Variants in CKMT2 observed in about 807,000 individuals in gnomAD.
CKMT2 encodes creatine kinase S-type, mitochondrial.
CKMT2 carries 43 observed loss-of-function variants against 48.9 expected under a neutral mutation model. That is an observed-to-expected ratio of 0.88 (90% CI 0.69 to 1.13). CKMT2 has a LOEUF of 1.13. Among genes scored for constraint, CKMT2 ranks in the 50% most tolerant of loss-of-function variants. The probability of loss-of-function intolerance (pLI) is 0.00; values close to 1 mark genes in which losing one functional copy is unlikely to be tolerated. For synonymous variants in CKMT2, 206 were observed against 213.0 expected, an observed-to-expected ratio of 0.97 and a Z score of 0.29; for missense variants, 472 against 555.4, an observed-to-expected ratio of 0.85 and a Z score of 1.51.
intron 6 of CKMT2, among the ~76,000 whole-genome samples, chr5:81,257,435 C>T (rs1035191184): frequency 1.3e-5 from 2 of 151,868 alleles, no homozygotes; most frequent in African/African-American, 2.4e-5. Flanking sequence ...TTGTTAATGT[C>T]GAAGCCAAAT....
chr5:81,262,587 C>CATCA (rs1561288555), intron 8 of CKMT2, among the ~76,000 whole-genome samples: 1 of 152,134 alleles, frequency 6.6e-6, no homozygotes, highest in African/African-American at 2.4e-5. Context: ...AAAAGCTCAT[C>CATCA]ATCACTGGTC....
At chr5:81,265,940 C>T (rs1757370613) in intron 9 of CKMT2, among the ~76,000 whole-genome samples, 199 bp from the exon 10 acceptor site, 1 of 152,170 alleles carries the variant, frequency 6.6e-6, no homozygotes, top group Admixed American at 6.5e-5. Context: ...CTTTCACATA[C>T]AAAGTAGTAT....
At chr5:81,252,580 C>A in intron 2 of CKMT2, 115 bp from the exon 3 acceptor site, 1 of 1,036,032 alleles carries the variant, frequency 9.7e-7, no homozygotes, top group Non-Finnish European at 1.5e-6. Flanking sequence ...GCCAAGTATC[C>A]CTGTGCCCAC....
At chr5:81,247,160 C>G (rs1756639173) in intron 1 of CKMT2, among the ~76,000 whole-genome samples, 1 of 152,138 alleles carries the variant, frequency 6.6e-6, no homozygotes. Flanking sequence ...CTAGTGGTCT[C>G]TGAACAGAAC....
At chr5:81,254,135 G>A (rs1369559141) in intron 3 of CKMT2, among the ~76,000 whole-genome samples, 1 of 152,204 alleles carries the variant, frequency 6.6e-6, no homozygotes, top group Non-Finnish European at 1.5e-5. Flanking sequence ...CTCAGCAGGA[G>A]GTTAAGATGA....
intron 1 of CKMT2, among the ~76,000 whole-genome samples, chr5:81,234,001 C>T (rs1194407453): frequency 6.9e-6 from 1 of 144,952 alleles, no homozygotes; most frequent in Non-Finnish European, 1.5e-5. Context: ...CCATCCTTAC[C>T]TTTCCCACCG....
At chr5:81,266,032 G>A (rs1580463118) in intron 9 of CKMT2, 107 bp from the exon 10 acceptor site, 1 of 918,922 alleles carries the variant, frequency 1.1e-6, no homozygotes, top group Non-Finnish European at 1.7e-6. Flanking sequence ...TTGTTGTGAA[G>A]TCCATCTAAG....
chr5:81,255,402 C>T (rs115097531), intron 5 of CKMT2, among the ~76,000 whole-genome samples, 188 bp downstream of exon 5: 1 of 152,224 alleles, frequency 6.6e-6, no homozygotes, highest in Non-Finnish European at 1.5e-5. Context: ...ACACATTGTA[C>T]TTGTCAAGCC....
At position 81,259,213 on chromosome 5, in the gene CKMT2, C is replaced by G; in HGVS notation, c.973C>G (p.Leu325Val). 1 of 1,614,102 alleles carries G rather than the reference C, an allele frequency of 6.2e-7. No homozygotes were observed. The highest frequency in any genetic ancestry group is 8.5e-7 in the Non-Finnish European group (1 of 1,179,984). The change falls in exon 8 of 10, where the codon CTA becomes GTA. Residue 325 changes from leucine to valine, a missense_variant. Leu to Val is a conservative substitution (Grantham distance 32). Transcript: ENST00000254035. ...LTCPSNLGTGLRAGVHVRIPK... is the reference protein window; with the variant it reads ...LTCPSNLGTGVRAGVHVRIPK... ...CTGTCCTTCGAACCTTGGAACAGGA[C>G]TACGAGCTGGTGTCCACGTTAGGAT...
chr5:81,234,043 AAAAC>A (rs1756183227), intron 1 of CKMT2, among the ~76,000 whole-genome samples: 1 of 148,682 alleles, frequency 6.7e-6, no homozygotes, highest in Non-Finnish European at 1.5e-5. Flanking sequence ...AAAAAAAAAA[AAAAC>A]CTATGGAATT....
chr5:81,262,199 AT>A (rs1757247026), intron 8 of CKMT2, among the ~76,000 whole-genome samples: 1 of 152,260 alleles, frequency 6.6e-6, no homozygotes. Flanking sequence ...CTCAAGATGG[AT>A]TAAAGACTTA....
rs577175038 is a variant in CKMT2, at chr5:81,264,300, C to T, written c.1140+684C>T. Among the ~76,000 whole-genome samples the T allele has an allele frequency of 3.0e-4, 45 of 152,264 alleles. No homozygotes were observed. The South Asian group carries it at 8.9e-3, about 30-fold the overall frequency. On this transcript the variant is annotated intron_variant, in intron 9 of 9. Coordinates refer to ENST00000254035, the MANE Select transcript of CKMT2 (RefSeq NM_001099735.2). ...TACTGATCATGGTAAGTTATACCAG[C>T]CTATCTGGATGTGGTCCCATTGGAC... is the stretch of plus-strand genomic sequence containing the variant.
At position 81,239,617 on chromosome 5, in the gene CKMT2, G is replaced by A. The variant is rs915036910; in HGVS notation, c.-21+6240G>A. Among the ~76,000 whole-genome samples the A allele has an allele frequency of 3.9e-5, 6 of 152,242 alleles. No individual in the cohort carries two copies. In the East Asian group the frequency reaches 9.6e-4, roughly 24 times the overall value. On this transcript the variant is annotated intron_variant, in intron 1 of 9. Coordinates refer to ENST00000254035, the MANE Select transcript of CKMT2 (RefSeq NM_001099735.2). ...GTGACCTGTCCTAGTCCCAGGGCAG[G>A]TGGAGGCATGCAATACAGTACTTTG...
At chr5:81,233,506 G>GCCTCCTCGC in intron 1 of CKMT2, 129 bp downstream of exon 1, 2 of 632,328 alleles carry the variant, frequency 3.2e-6, no homozygotes, top group Non-Finnish European at 3.9e-6. Flanking sequence ...TGACTGCGAG[G>GCCTCCTCGC]AGGCAATGGT....
intron 1 of CKMT2, among the ~76,000 whole-genome samples, chr5:81,243,867 A>G (rs1353355862): frequency 6.6e-6 from 1 of 151,920 alleles, no homozygotes; most frequent in African/African-American, 2.4e-5. Flanking sequence ...TATTTTTTGT[A>G]TTTTTAGTAG....
chr5:81,256,608 C>T (rs530111238), intron 5 of CKMT2, among the ~76,000 whole-genome samples: 3 of 152,246 alleles, frequency 2.0e-5, no homozygotes, highest in East Asian at 3.9e-4. Context: ...AGTGTATACC[C>T]GCTCCACAGT....
chr5:81,246,478 C>A (rs1304208027), intron 1 of CKMT2, among the ~76,000 whole-genome samples: 1 of 152,102 alleles, frequency 6.6e-6, no homozygotes, highest in Non-Finnish European at 1.5e-5. Context: ...CTGCTTATTC[C>A]CTTCTTTGCA....
chr5:81,256,907 G>A lies in CKMT2; in HGVS notation c.670-8G>A, dbSNP rs1757030011. On this transcript the variant is annotated splice_polypyrimidine_tract_variant and splice_region_variant and intron_variant, in intron 5 of 9. Transcript: ENST00000254035. ...TCTCCTCTCTGCTTTATCCCTTTTG[G>A]CCTACAGGACCACTTTCTGTTTGAT... is the stretch of plus-strand genomic sequence containing the variant. 1.2e-6 allele frequency: 2 copies of A among 1,610,156 alleles called. No homozygotes were observed. Among genetic ancestry groups the A allele is most frequent in the South Asian group, 1.1e-5 (1 of 90,796 alleles).
chr5:81,256,568 G>A (rs1580452007), intron 5 of CKMT2, among the ~76,000 whole-genome samples: 2 of 152,142 alleles, frequency 1.3e-5, no homozygotes, highest in African/African-American at 2.4e-5. Context: ...TTCATTGCTC[G>A]CTCAGCCATT....
Sources: gnomAD v4.1 joint callset for allele counts (sites outside exome capture counted in the v4.1 genomes callset) on GRCh38, gnomAD v4.1.1 for gene constraint, MANE v1.5 for transcripts, NCBI Gene and HGNC (gene_info 2026-07-23, HGNC 2026-07-21) for gene names.